CTR9: variants seen among roughly 807,000 people sequenced by gnomAD.
CTR9 encodes the protein RNA polymerase-associated protein CTR9 homolog.
Under a neutral mutation model 152.1 loss-of-function variants are expected in CTR9, and 41 were observed. The ratio of observed to expected loss-of-function variants is 0.27; its 90% confidence interval spans 0.21 to 0.35. The LOEUF (loss-of-function observed/expected upper bound fraction) is 0.35. Ranked by LOEUF, CTR9 falls within the 10% of genes least tolerant of loss-of-function variation. The pLI is 1.00. For synonymous variants in CTR9, 476 were observed against 496.2 expected (o/e 0.96, Z 0.54); for missense variants, 917 against 1,424.4 (o/e 0.64, Z 5.73).
Position 10,770,279 on chromosome 11 carries a change from C to G in CTR9, c.2179C>G (p.Leu727Val). The G allele has an allele frequency of 1.2e-6, 2 of 1,614,056 alleles. No individual in the cohort carries two copies. Among genetic ancestry groups the G allele is most frequent in the Non-Finnish European group, 1.7e-6 (2 of 1,179,964 alleles). The change falls in exon 17 of 25, where the codon CTC becomes GTC. Residue 727 changes from leucine (L) to valine (V), a missense_variant. Transcript: ENST00000361367. Reference sequence around the variant, plus strand: ...AGTTGTACTCTATTTGGCCCGGGCCCTCTTCAAGTGTGGCAAGTTACAGGA... The same window carrying G: ...AGTTGTACTCTATTTGGCCCGGGCCGTCTTCAAGTGTGGCAAGTTACAGGA... ...TEVVLYLARA[L>V]FKCGKLQECK... is the part of the protein sequence containing the mutation.
intron 2 of CTR9, among the ~76,000 whole-genome samples, chr11:10,753,032 C>G (rs564596204): frequency 6.6e-6 from 1 of 152,284 alleles, no homozygotes; most frequent in Admixed American, 6.5e-5. Context: ...TTATTTAGTG[C>G]TTGTTCAGTG....
At position 10,773,615 on chromosome 11, in the gene CTR9, C is replaced by T. The variant is rs367674829; in HGVS notation, c.2727+342C>T. 3.3e-5 allele frequency among the ~76,000 whole-genome samples: 5 copies of T among 152,098 alleles called. No homozygotes were observed. The East Asian group carries it at 9.6e-4, about 29-fold the overall frequency. On this transcript the variant is annotated intron_variant, in intron 21 of 24. Transcript: ENST00000361367. ...AAAGATCCTTCATTTGGGCCGGGCA[C>T]AGTGGCTCATGCTTATAATCCTAGC... is the stretch of plus-strand genomic sequence containing the variant.
intron 5 of CTR9, 65 bp from the exon 6 acceptor site, chr11:10,760,108 G>A (rs1451238087): frequency 2.6e-6 from 4 of 1,565,304 alleles, no homozygotes; most frequent in African/African-American, 1.4e-5. Context: ...GAATGTTTAA[G>A]CATTTTTGTA....
intron 5 of CTR9, among the ~76,000 whole-genome samples, chr11:10,758,672 A>C (rs1024777259): frequency 6.6e-6 from 1 of 152,228 alleles, no homozygotes; most frequent in African/African-American, 2.4e-5. Context: ...GAATGTGGCT[A>C]TACAACCTGA....
chr11:10,763,007 C>CAAA (rs765448315), intron 7 of CTR9, among the ~76,000 whole-genome samples: 2 of 114,222 alleles, frequency 1.8e-5, no homozygotes, highest in African/African-American at 3.2e-5. Context: ...GACCCTGTCT[C>CAAA]AAAAAAAAAA....
rs759784519 is a variant in CTR9, at chr11:10,774,004, G to A, written c.2728-8G>A. ...AAATAACTGACTATAGTGTTGTTTG[G>A]ATTTTAGCGTTCTAAGAAGGGAGGA... is the stretch of plus-strand genomic sequence containing the variant. On this transcript the variant is annotated splice_polypyrimidine_tract_variant and splice_region_variant and intron_variant, in intron 21 of 24. Transcript: ENST00000361367. The A allele has an allele frequency of 1.6e-5, 25 of 1,606,548 alleles. No homozygotes were observed. In the South Asian group the frequency reaches 2.7e-4, roughly 17 times the overall value.
Position 10,760,165 on chromosome 11 carries a change from T to C in CTR9, c.593-8T>C. ...TAGTTTGATAGATTGAATGACTTCA[T>C]TTTATAGCGGAAGTTCGTTTAGGAA... On this transcript the variant is annotated splice_polypyrimidine_tract_variant and splice_region_variant and intron_variant, in intron 5 of 24. Coordinates refer to ENST00000361367, the MANE Select transcript of CTR9 (RefSeq NM_014633.5). 6.2e-7 allele frequency: 1 copy of C among 1,612,516 alleles called. No homozygotes were observed. Among genetic ancestry groups the C allele is most frequent in the Non-Finnish European group, 8.5e-7 (1 of 1,178,950 alleles).
chr11:10,771,205 C>G (rs780858012), intron 18 of CTR9, among the ~76,000 whole-genome samples: 9 of 152,170 alleles, frequency 5.9e-5, no homozygotes, highest in Non-Finnish European at 1.2e-4. Flanking sequence ...TATTTTTATT[C>G]TTGTTTAACA....
intron 19 of CTR9, 117 bp from the exon 20 acceptor site, chr11:10,772,403 C>A: frequency 2.3e-6 from 2 of 851,066 alleles, no homozygotes; most frequent in Non-Finnish European, 3.2e-6. Context: ...AAAGACTTCA[C>A]ATAGATCAGC....
chr11:10,775,754 G>A lies in CTR9; in HGVS notation c.3095+121G>A, dbSNP rs978931944. On this transcript the variant is annotated intron_variant, in intron 24 of 24. Transcript: ENST00000361367. ...CTTTCTTTTTCTTTATAAATAATAA[G>A]AGGGGTGGGGACAGACTTGAAAATT... 19 of 625,512 alleles carry A rather than the reference G, an allele frequency of 3.0e-5. No individual in the cohort carries two copies. In the African/African-American group the frequency reaches 3.4e-4, roughly 11 times the overall value. The allele number at this position is 625,512 out of a possible 1,614,324, so 38.7% of individuals were successfully genotyped here. A position where few individuals can be genotyped will look rare whatever the true frequency, so the allele number is the denominator to read the frequency against.
chr11:10,771,413 G>A, intron 18 of CTR9, 132 bp from the exon 19 acceptor site: 1 of 576,188 alleles, frequency 1.7e-6, no homozygotes, highest in South Asian at 2.3e-5. Context: ...GTAATGAGTG[G>A]CATAAATTTG....
At chr11:10,769,749 T>TTC (rs1863113571) in intron 16 of CTR9, among the ~76,000 whole-genome samples, 1 of 152,252 alleles carries the variant, frequency 6.6e-6, no homozygotes, top group Non-Finnish European at 1.5e-5. Flanking sequence ...TAGTATTGTA[T>TTC]TGGTTTTACC....
chr11:10,761,787 C>T (rs1230754197), intron 6 of CTR9, among the ~76,000 whole-genome samples, 160 bp from the exon 7 acceptor site: 1 of 152,072 alleles, frequency 6.6e-6, no homozygotes, highest in Non-Finnish European at 1.5e-5. Context: ...GATTTAATTA[C>T]AAATGCAATA....
At chr11:10,757,754 C>A (rs370221156) in intron 5 of CTR9, among the ~76,000 whole-genome samples, 2 of 152,136 alleles carry the variant, frequency 1.3e-5, no homozygotes, top group East Asian at 1.9e-4. Flanking sequence ...TTCCTGCCCT[C>A]ATGGAGTCCA....
intron 1 of CTR9, 110 bp downstream of exon 1, chr11:10,751,567 C>T (rs1862802342): frequency 9.2e-7 from 1 of 1,081,484 alleles, no homozygotes; most frequent in South Asian, 1.3e-5. Flanking sequence ...CCCTAAGAGC[C>T]CTGATCGAAA....
chr11:10,755,096 C>G lies in CTR9; in HGVS notation c.283C>G (p.Gln95Glu), dbSNP rs1332264001. ...CLDTLAAYYVQQARKEKNKDN... is the reference protein window; with the variant it reads ...CLDTLAAYYVEQARKEKNKDN... ...GGATACATTGGCAGCGTATTATGTA[C>G]AACAGGCTCGGAAAGAAAAGAATAA... The change falls in exon 3 of 25, where the codon CAA becomes GAA. Residue 95 changes from glutamine (Q) to glutamate (E), a missense_variant. Gln to Glu is a conservative substitution (Grantham distance 29). This residue lies in a region of CTR9 where 67 missense variants were observed against 106.9 expected (regional missense o/e 0.63). Transcript: ENST00000361367. 1 of 1,614,052 alleles carries G rather than the reference C, an allele frequency of 6.2e-7. No individual in the cohort carries two copies. Among genetic ancestry groups the G allele is most frequent in the Admixed American group, 1.7e-5 (1 of 60,016 alleles).
intron 7 of CTR9, 48 bp downstream of exon 7, chr11:10,762,102 C>T: frequency 9.6e-7 from 1 of 1,044,924 alleles, no homozygotes; most frequent in East Asian, 2.5e-5. Flanking sequence ...TTCTGTACTG[C>T]AATTGATATT....
In CTR9 at chr11:10,763,652, G is replaced by A; in HGVS notation, c.967G>A (p.Asp323Asn). The change falls in exon 9 of 25, where the codon GAC becomes AAC. Residue 323 changes from aspartate to asparagine, a missense_variant. Asp to Asn is a conservative substitution (Grantham distance 23, BLOSUM62 1). Transcript: ENST00000361367. ...ARSFHVQEDY[D>N]QAFQYYYQAT... The stretch of plus-strand genomic sequence containing the variant: ...AATTTTCATTCTTTAGGAAGATTAT[G>A]ACCAAGCTTTTCAGTACTATTATCA... The A allele has an allele frequency of 1.2e-6, 2 of 1,602,510 alleles. No individual in the cohort carries two copies. The highest frequency in any genetic ancestry group is 2.2e-5 in the East Asian group (1 of 44,812).
chr11:10,770,240 C>T lies in CTR9; in HGVS notation c.2140C>T (p.His714Tyr), dbSNP rs200624749. 8.2e-5 allele frequency: 132 copies of T among 1,613,318 alleles called. No homozygotes were observed. The Middle Eastern group carries it at 9.9e-4, about 12-fold the overall frequency. ...YENCLRKFYK[H>Y]QNTEVVLYLA... is the part of the protein sequence containing the mutation. ...AAACTGCCTCCGAAAGTTCTATAAG[C>T]ACCAAAACACTGAAGTTGTACTCTA... Residue 714 changes from histidine to tyrosine, a missense_variant, in exon 17 of 25, where the codon CAC becomes TAC. Around this residue, in one of 9 missense-constraint regions of CTR9, gnomAD observed 106 missense variants for 157.8 expected, o/e 0.67. Coordinates refer to ENST00000361367, the MANE Select transcript of CTR9 (RefSeq NM_014633.5).
Sources: gnomAD v4.1 joint callset for allele counts (sites outside exome capture counted in the v4.1 genomes callset) on GRCh38, gnomAD v4.1.1 for gene constraint, gnomAD v4.1.1 regional missense constraint, MANE v1.5 for transcripts, NCBI Gene and HGNC (gene_info 2026-07-23, HGNC 2026-07-21) for gene names.